Variants in STARD13 observed in about 807,000 individuals in gnomAD.
The protein encoded by STARD13 is StAR related lipid transfer domain containing 13.
STARD13 carries 62 observed loss-of-function variants against 106.4 expected under a neutral mutation model. That is an observed-to-expected ratio of 0.58 (90% confidence interval 0.48 to 0.72). The LOEUF is 0.72. Ranked by LOEUF, STARD13 falls within the 30% of genes least tolerant of loss-of-function variation. The pLI is 0.00. For missense variants in STARD13, 1,387 were observed against 1,424.0 expected, an observed-to-expected ratio of 0.97 and a Z score of 0.42; for synonymous variants, 565 against 553.0, an observed-to-expected ratio of 1.02 and a Z score of -0.31.
chr13:33,115,147 G>T (rs75839788), intron 8 of STARD13, among the ~76,000 whole-genome samples: 4,677 of 152,048 alleles, frequency 0.031, 89 homozygotes, highest in Non-Finnish European at 0.042. Flanking sequence ...CCTCCAGATG[G>T]GTAGGACTCA....
chr13:33,134,375 G>A (rs183759227), intron 4 of STARD13, among the ~76,000 whole-genome samples: 54 of 152,342 alleles, frequency 3.5e-4, no homozygotes, highest in African/African-American at 1.1e-3. Flanking sequence ...CATATAGCCC[G>A]TGAGCCATGG....
chr13:33,173,033 C>G (rs1884147637), intron 1 of STARD13, among the ~76,000 whole-genome samples: 1 of 152,088 alleles, frequency 6.6e-6, no homozygotes, highest in South Asian at 2.1e-4. Flanking sequence ...TTTGTCTTTT[C>G]CTTTAAACTG....
chr13:33,562,589 A>G, the STARD13 span, among the ~76,000 whole-genome samples: 2 of 146,794 alleles, frequency 1.4e-5, no homozygotes, highest in African/African-American at 5.1e-5. Flanking sequence ...TAAATATTCT[A>G]AAGTCTAGGG....
chr13:33,531,308 A>G, the STARD13 span, among the ~76,000 whole-genome samples: 1 of 152,166 alleles, frequency 6.6e-6, no homozygotes, highest in Non-Finnish European at 1.5e-5. Flanking sequence ...AAATATACTT[A>G]TCATGCTCTA....
chr13:33,235,459 G>A (rs1021490072), intron 1 of STARD13, among the ~76,000 whole-genome samples: 1 of 152,128 alleles, frequency 6.6e-6, no homozygotes, highest in Admixed American at 6.5e-5. Flanking sequence ...AGTAATTGTG[G>A]TTATTATTAA....
At chr13:33,479,450 C>T in the STARD13 span, among the ~76,000 whole-genome samples, 2 of 152,056 alleles carry the variant, frequency 1.3e-5, no homozygotes, top group Non-Finnish European at 2.9e-5. Flanking sequence ...TTTGTAAAAA[C>T]AAAAGACCTA....
At chr13:33,556,305 A>G in the STARD13 span, among the ~76,000 whole-genome samples, 1 of 152,216 alleles carries the variant, frequency 6.6e-6, no homozygotes, top group East Asian at 1.9e-4. Context: ...TTAAAGAGAC[A>G]GAGTCCTACT....
At chr13:33,114,607 C>T (rs890292723) in intron 8 of STARD13, among the ~76,000 whole-genome samples, 2 of 152,094 alleles carry the variant, frequency 1.3e-5, no homozygotes, top group African/African-American at 4.8e-5. Context: ...AGAGGTGTAA[C>T]AAGTTTTGCT....
intron 1 of STARD13, among the ~76,000 whole-genome samples, chr13:33,322,391 C>G (rs1236610806): frequency 6.6e-6 from 1 of 152,162 alleles, no homozygotes; most frequent in Non-Finnish European, 1.5e-5. Flanking sequence ...GTACCGTTCT[C>G]CACGCAGTTT....
intron 1 of STARD13, chr13:33,281,660 C>T (rs575470350): frequency 1.3e-5 from 2 of 152,268 alleles, no homozygotes; most frequent in Non-Finnish European, 2.9e-5. Context: ...GAAGGCAATC[C>T]TGCCATGTGC....
At chr13:33,126,580 A>C (rs1403973404) in intron 6 of STARD13, among the ~76,000 whole-genome samples, 1 of 152,242 alleles carries the variant, frequency 6.6e-6, no homozygotes, top group African/African-American at 2.4e-5. Flanking sequence ...AACAAATTAA[A>C]AATTACAAGA....
chr13:33,203,517 A>AT (rs145396232), intron 1 of STARD13, among the ~76,000 whole-genome samples: 3,111 of 151,238 alleles, frequency 0.021, 79 homozygotes, highest in African/African-American at 0.06. Flanking sequence ...ACTATTATCC[A>AT]TTTTTTTTTA....
the STARD13 span, among the ~76,000 whole-genome samples, chr13:33,359,946 T>C: frequency 4.6e-5 from 7 of 152,348 alleles, no homozygotes; most frequent in South Asian, 1.2e-3. Context: ...CGTCTGGTTA[T>C]CTAAAATGAT....
chr13:33,243,321 A>G (rs1236304905), intron 1 of STARD13, among the ~76,000 whole-genome samples: 1 of 152,178 alleles, frequency 6.6e-6, no homozygotes, highest in African/African-American at 2.4e-5. Context: ...GTAGGCATCA[A>G]AGAGAGGCAT....
intron 1 of STARD13, among the ~76,000 whole-genome samples, chr13:33,273,406 G>A (rs1324481352): frequency 6.6e-6 from 1 of 152,194 alleles, no homozygotes; most frequent in Non-Finnish European, 1.5e-5. Context: ...AACTTATGAT[G>A]TATAAGACTG....
At chr13:33,502,873 G>T in the STARD13 span, among the ~76,000 whole-genome samples, 2 of 152,174 alleles carry the variant, frequency 1.3e-5, no homozygotes, top group Admixed American at 6.5e-5. Context: ...CCAGGCGTTG[G>T]TATCAGGATG....
chr13:33,223,554 G>A (rs1888465199), intron 1 of STARD13, among the ~76,000 whole-genome samples: 1 of 152,222 alleles, frequency 6.6e-6, no homozygotes, highest in South Asian at 2.1e-4. Flanking sequence ...AGCTACTCGG[G>A]AGGCTGAGGC....
chr13:33,479,636 T>C, the STARD13 span, among the ~76,000 whole-genome samples: 1 of 152,204 alleles, frequency 6.6e-6, no homozygotes, highest in Non-Finnish European at 1.5e-5. Context: ...ACTTTGGATA[T>C]GTGTCCTCGC....
the STARD13 span, among the ~76,000 whole-genome samples, chr13:33,503,322 C>A: frequency 2.0e-5 from 3 of 152,034 alleles, no homozygotes; most frequent in Non-Finnish European, 4.4e-5. Context: ...TTGATCTTTT[C>A]AAAAAACCAG....
Sources: gnomAD v4.1 joint callset for allele counts (sites outside exome capture counted in the v4.1 genomes callset) on GRCh38, gnomAD v4.1.1 for gene constraint, MANE v1.5 for transcripts, NCBI Gene and HGNC (gene_info 2026-07-23, HGNC 2026-07-21) for gene names.